Variants in TENM1 observed in about 807,000 individuals in gnomAD.
TENM1 encodes the protein teneurin-1.
In TENM1, 35 loss-of-function variants were observed where a neutral mutation model predicts 174.8. That is an observed-to-expected ratio of 0.20 (90% CI 0.15 to 0.27). TENM1 has a LOEUF of 0.27. TENM1 is among the 10% of genes least tolerant of loss of function. TENM1 has a pLI of 1.00. For missense variants in TENM1, 1,633 were observed against 2,130.1 expected, an observed-to-expected ratio of 0.77 and a Z score of 4.59; for synonymous variants, 781 against 798.7, an observed-to-expected ratio of 0.98 and a Z score of 0.37.
intron 11 of TENM1, among the ~76,000 whole-genome samples, chrX:124,617,947 A>G (rs921517823): frequency 8.9e-6 from 1 of 112,060 alleles, no homozygotes; most frequent in African/African-American, 3.2e-5. Flanking sequence ...CATAGCCATA[A>G]TAATCCTTAA....
At chrX:124,587,529 A>T (rs2049567995) in intron 11 of TENM1, among the ~76,000 whole-genome samples, 2 of 111,451 alleles carry the variant, frequency 1.8e-5, no homozygotes, top group Non-Finnish European at 3.8e-5. Flanking sequence ...ACCTTATACA[A>T]AAACTAATTC....
chrX:125,048,737 A>G, the TENM1 span, among the ~76,000 whole-genome samples: 3 of 111,311 alleles, frequency 2.7e-5, no homozygotes, highest in African/African-American at 9.8e-5. Flanking sequence ...CATTTAAATG[A>G]GTGAATTGTA....
chrX:124,747,425 T>C (rs1409178970), intron 3 of TENM1, among the ~76,000 whole-genome samples: 2 of 108,489 alleles, frequency 1.8e-5, no homozygotes, highest in Non-Finnish European at 3.8e-5. Flanking sequence ...TAAATATAGA[T>C]GGAAATCCTA....
the TENM1 span, among the ~76,000 whole-genome samples, chrX:125,192,221 G>A: frequency 8.9e-6 from 1 of 111,975 alleles, no homozygotes; most frequent in Non-Finnish European, 1.9e-5. Context: ...GAAAAAAAAA[G>A]AATGCATGGC....
chrX:125,194,474 G>C, the TENM1 span, among the ~76,000 whole-genome samples: 2 of 111,016 alleles, frequency 1.8e-5, no homozygotes, highest in Non-Finnish European at 3.8e-5. Flanking sequence ...CTCCATACTG[G>C]TGATGTCTTT....
intron 5 of TENM1, among the ~76,000 whole-genome samples, chrX:124,673,757 C>G (rs779887228): frequency 8.1e-5 from 9 of 110,882 alleles, no homozygotes; most frequent in South Asian, 3.8e-4. Context: ...TTCTCTGTCT[C>G]TGTGTGTGTT....
intron 28 of TENM1, among the ~76,000 whole-genome samples, chrX:124,390,512 T>G (rs757862224): frequency 8.9e-6 from 1 of 111,911 alleles, no homozygotes; most frequent in Non-Finnish European, 1.9e-5. Flanking sequence ...ATTAGCTCAG[T>G]TGGTCGGACT....
the TENM1 span, among the ~76,000 whole-genome samples, chrX:125,097,547 CA>C: frequency 2.7e-5 from 3 of 111,977 alleles, no homozygotes; most frequent in African/African-American, 9.7e-5. Flanking sequence ...CAGCTGTTAC[CA>C]AAAATTCTAA....
the TENM1 span, among the ~76,000 whole-genome samples, chrX:125,006,607 T>C: frequency 9.0e-6 from 1 of 111,674 alleles, no homozygotes; most frequent in East Asian, 2.8e-4. Flanking sequence ...AGACACTTCA[T>C]ACAGGAGAAC....
chrX:124,740,951 T>C (rs1196000145), intron 3 of TENM1, among the ~76,000 whole-genome samples: 6 of 111,742 alleles, frequency 5.4e-5, no homozygotes, highest in Non-Finnish European at 1.9e-5. Context: ...GTGGTGATTA[T>C]GCAAATGTAG....
chrX:124,478,828 C>A (rs1468008544), intron 22 of TENM1, among the ~76,000 whole-genome samples: 5 of 112,402 alleles, frequency 4.4e-5, no homozygotes, highest in Non-Finnish European at 9.4e-5. Flanking sequence ...AAGCAAAAAA[C>A]AAACAAATTG....
chrX:125,180,982 A>C, the TENM1 span, among the ~76,000 whole-genome samples: 1 of 111,665 alleles, frequency 9.0e-6, no homozygotes, highest in Non-Finnish European at 1.9e-5. Flanking sequence ...TACCTCCTCC[A>C]CGAAGCGTTT....
At chrX:124,593,499 C>T (rs2049813670) in intron 11 of TENM1, among the ~76,000 whole-genome samples, 1 of 111,057 alleles carries the variant, frequency 9.0e-6, no homozygotes, top group Admixed American at 9.5e-5. Flanking sequence ...AAGGGTGAGG[C>T]GGCTCAGGCT....
chrX:124,586,058 CA>C (rs1361993371), intron 11 of TENM1, among the ~76,000 whole-genome samples: 8 of 109,636 alleles, frequency 7.3e-5, no homozygotes, highest in Admixed American at 9.7e-5. Flanking sequence ...GCTTACCAAC[CA>C]AAAAGAGTCC....
the TENM1 span, among the ~76,000 whole-genome samples, chrX:125,075,140 T>A: frequency 8.9e-6 from 1 of 111,766 alleles, no homozygotes; most frequent in East Asian, 2.8e-4. Flanking sequence ...CACTACCTGT[T>A]ACCATACCCC....
the TENM1 span, among the ~76,000 whole-genome samples, chrX:125,010,536 C>T: frequency 1.8e-5 from 2 of 109,615 alleles, no homozygotes; most frequent in South Asian, 3.9e-4. Context: ...AAAAACAGGC[C>T]GGGCGCAGTG....
chrX:124,446,305 C>T (rs948692740), intron 23 of TENM1, among the ~76,000 whole-genome samples: 2 of 112,355 alleles, frequency 1.8e-5, no homozygotes, highest in Admixed American at 9.4e-5. Flanking sequence ...ATAATCCCTC[C>T]GACTAACAGT....
chrX:125,032,615 T>C, the TENM1 span, among the ~76,000 whole-genome samples: 1 of 111,527 alleles, frequency 9.0e-6, no homozygotes, highest in African/African-American at 3.3e-5. Context: ...TATTCAAACA[T>C]CCCTTGTACT....
rs760222188 is a variant in TENM1 at position 124,735,391 on chromosome X, C to G, written c.776+1566G>C. Reference sequence around the variant, plus strand: ...TTATCAGAGAAATGCAAATTAAGACCACAATGAAATACGATCTCATACCAT... The same window carrying G: ...TTATCAGAGAAATGCAAATTAAGACGACAATGAAATACGATCTCATACCAT... On this transcript the variant is annotated intron_variant, in intron 4 of 31. Transcript: ENST00000422452. Among the ~76,000 whole-genome samples the G allele has an allele frequency of 6.3e-5, 7 of 111,682 alleles. No individual in the cohort carries two copies. The East Asian group carries it at 2.0e-3, about 31-fold the overall frequency.
Sources: allele counts gnomAD v4.1 joint callset (sites outside exome capture counted in the v4.1 genomes callset), GRCh38; gene constraint gnomAD v4.1.1; transcripts MANE v1.5; gene names NCBI Gene and HGNC (gene_info 2026-07-23, HGNC 2026-07-21).